ST8SIA2: variants seen among roughly 807,000 people sequenced by gnomAD.
ST8SIA2 encodes the protein alpha-2,8-sialyltransferase 8B.
A neutral mutation model predicts 37.6 loss-of-function variants in ST8SIA2; 22 were observed. That is an observed-to-expected ratio of 0.58 (90% CI 0.42 to 0.83). The LOEUF (loss-of-function observed/expected upper bound fraction) is 0.83. ST8SIA2 is among the 40% of genes least tolerant of loss of function. The probability of loss-of-function intolerance (pLI) is 0.00; values close to 1 mark genes in which losing one functional copy is unlikely to be tolerated. For synonymous variants in ST8SIA2, 205 were observed against 201.2 expected (o/e 1.02, Z -0.16); for missense variants, 382 against 484.7 (o/e 0.79, Z 1.99).
intron 1 of ST8SIA2, among the ~76,000 whole-genome samples, chr15:92,413,761 T>C (rs1381478866): frequency 6.6e-6 from 1 of 152,254 alleles, no homozygotes; most frequent in African/African-American, 2.4e-5. Flanking sequence ...TGGATTCTTC[T>C]AATCCCTAGA....
intron 3 of ST8SIA2, among the ~76,000 whole-genome samples, chr15:92,436,192 A>G (rs1567218838): frequency 1.3e-5 from 2 of 152,164 alleles, no homozygotes; most frequent in East Asian, 1.9e-4. Context: ...GGTCACATTC[A>G]CAGGTTCCAG....
At chr15:92,445,442 G>A (rs775551207) in intron 5 of ST8SIA2, among the ~76,000 whole-genome samples, 7 of 152,176 alleles carry the variant, frequency 4.6e-5, no homozygotes, top group African/African-American at 1.4e-4. Flanking sequence ...GTAAAATTGC[G>A]GTAGAAACAT....
At position 92,430,075 on chromosome 15, in the gene ST8SIA2, G is replaced by A; in HGVS notation, c.125G>A (p.Arg42Lys). 1.2e-6 allele frequency: 2 copies of A among 1,614,170 alleles called. No individual in the cohort carries two copies. Among genetic ancestry groups the A allele is most frequent in the Non-Finnish European group, 1.7e-6 (2 of 1,180,028 alleles). ...AATTCGGGAGGCAGAGGTACAATCA[G>A]ATCAGCTGTGAACAGCTTACATAGC... Reference protein sequence around the residue: ...IGNSGGRGTIRSAVNSLHSKS... With the variant: ...IGNSGGRGTIKSAVNSLHSKS... Residue 42 changes from arginine to lysine, a missense_variant, in exon 2 of 6, where the codon AGA (arginine) becomes AAA (lysine). Coordinates refer to ENST00000268164, the MANE Select transcript of ST8SIA2 (RefSeq NM_006011.4).
chr15:92,440,026 A>G (rs1199138387), intron 4 of ST8SIA2, among the ~76,000 whole-genome samples: 1 of 152,182 alleles, frequency 6.6e-6, no homozygotes, highest in East Asian at 1.9e-4. Flanking sequence ...ATGAGTCCCC[A>G]CAGTGAGCTT....
chr15:92,438,540 G>C lies in ST8SIA2; in HGVS notation c.478G>C (p.Val160Leu). 6.2e-7 allele frequency: 1 copy of C among 1,614,112 alleles called. No homozygotes were observed. The highest frequency in any genetic ancestry group is 8.5e-7 in the Non-Finnish European group (1 of 1,180,012). ...KNKHFGTCAI[V>L]GNSGVLLNSG... ...TAAGCACTTTGGGACTTGTGCCATC[G>C]TGGGCAACTCGGGGGTCTTGCTGAA... Residue 160 changes from valine to leucine, a missense_variant, in exon 4 of 6, where the codon GTG becomes CTG. Transcript: ENST00000268164.
intron 5 of ST8SIA2, among the ~76,000 whole-genome samples, chr15:92,455,036 C>T (rs2049910554): frequency 6.6e-6 from 1 of 152,078 alleles, no homozygotes; most frequent in South Asian, 2.1e-4. Flanking sequence ...TGGCCAGGGC[C>T]AGAGGGGCCA....
chr15:92,412,542 C>G (rs1159561450), intron 1 of ST8SIA2, among the ~76,000 whole-genome samples: 1 of 152,244 alleles, frequency 6.6e-6, no homozygotes, highest in Non-Finnish European at 1.5e-5. Context: ...GGTTCCCCAT[C>G]TTCCTTCAGA....
intron 1 of ST8SIA2, among the ~76,000 whole-genome samples, chr15:92,410,982 G>T (rs1054015691): frequency 6.6e-6 from 1 of 152,186 alleles, no homozygotes; most frequent in African/African-American, 2.4e-5. Flanking sequence ...TTGTGACGCG[G>T]CTGCCACAGA....
chr15:92,442,539 T>G (rs1466846346), intron 4 of ST8SIA2, among the ~76,000 whole-genome samples: 1 of 152,186 alleles, frequency 6.6e-6, no homozygotes, highest in Non-Finnish European at 1.5e-5. Flanking sequence ...TGGAGTCCAC[T>G]TGGCCCTGCT....
chr15:92,437,963 G>GGGGGGCTTTCAGGGACA (rs2049770918), intron 3 of ST8SIA2, among the ~76,000 whole-genome samples: 1 of 152,198 alleles, frequency 6.6e-6, no homozygotes, highest in Admixed American at 6.5e-5. Context: ...GCCCCAGACT[G>GGGGGGCTTTCAGGGACA]TGGGGCTTTC....
chr15:92,463,023 C>T (rs2049967946), intron 5 of ST8SIA2, among the ~76,000 whole-genome samples: 2 of 152,224 alleles, frequency 1.3e-5, no homozygotes, highest in South Asian at 4.1e-4. Flanking sequence ...TAGACTGTGA[C>T]TCATCATTGC....
At chr15:92,463,937 G>A (rs561748654) in intron 5 of ST8SIA2, among the ~76,000 whole-genome samples, 163 bp from the exon 6 acceptor site, 1 of 152,036 alleles carries the variant, frequency 6.6e-6, no homozygotes, top group Non-Finnish European at 1.5e-5. Flanking sequence ...TGCTTCATGT[G>A]CTTGTCACTC....
At chr15:92,454,716 C>A (rs181448480) in intron 5 of ST8SIA2, among the ~76,000 whole-genome samples, 22 of 152,184 alleles carry the variant, frequency 1.4e-4, no homozygotes, top group African/African-American at 4.8e-4. Flanking sequence ...GCTGCCCCAA[C>A]CTGAGCAGCT....
chr15:92,454,508 C>G (rs1269162953), intron 5 of ST8SIA2, among the ~76,000 whole-genome samples: 2 of 152,088 alleles, frequency 1.3e-5, no homozygotes, highest in African/African-American at 4.8e-5. Flanking sequence ...TAGATGGCCT[C>G]CCTTCCCACT....
At chr15:92,433,978 G>GA (rs376888029) in intron 2 of ST8SIA2, among the ~76,000 whole-genome samples, 50 of 149,666 alleles carry the variant, frequency 3.3e-4, no homozygotes, top group Admixed American at 7.3e-4. Flanking sequence ...GTTTTACCAG[G>GA]AAAAAAAAAA....
intron 1 of ST8SIA2, among the ~76,000 whole-genome samples, chr15:92,396,851 A>T (rs2049435716): frequency 6.6e-6 from 1 of 152,216 alleles, no homozygotes; most frequent in South Asian, 2.1e-4. Flanking sequence ...AGCTGGGCTC[A>T]GTGCCCAATA....
At chr15:92,401,365 G>C (rs72655697) in intron 1 of ST8SIA2, among the ~76,000 whole-genome samples, 11,885 of 152,242 alleles carry the variant, frequency 0.078, 611 homozygotes, top group South Asian at 0.15. Flanking sequence ...GTGGCATCTG[G>C]GCTGGTTTTA....
At chr15:92,450,566 C>T (rs1023221986) in intron 5 of ST8SIA2, among the ~76,000 whole-genome samples, 21 of 152,234 alleles carry the variant, frequency 1.4e-4, no homozygotes, top group African/African-American at 5.1e-4. Flanking sequence ...GAGAGTGAGG[C>T]GTCTCACATG....
At chr15:92,412,700 C>T (rs144825808) in intron 1 of ST8SIA2, among the ~76,000 whole-genome samples, 1 of 152,160 alleles carries the variant, frequency 6.6e-6, no homozygotes, top group African/African-American at 2.4e-5. Context: ...CTCTGTCACC[C>T]AGGCTGGAGT....
Sources: gnomAD v4.1 joint callset for allele counts (sites outside exome capture counted in the v4.1 genomes callset) on GRCh38, gnomAD v4.1.1 for gene constraint, MANE v1.5 for transcripts, NCBI Gene and HGNC (gene_info 2026-07-23, HGNC 2026-07-21) for gene names.